The following GTF2I variants were observed in gnomAD, a reference collection of about 807,000 sequenced individuals.
The protein encoded by GTF2I is general transcription factor IIi.
GTF2I carries 12 observed loss-of-function variants against 67.6 expected under a neutral mutation model. The ratio of observed to expected loss-of-function variants is 0.18; its 90% CI spans 0.11 to 0.29. GTF2I has a LOEUF of 0.29. Among genes scored for constraint, GTF2I ranks in the 10% least tolerant of loss-of-function variants. GTF2I has a pLI of 1.00. For missense variants in GTF2I, 271 were observed against 580.1 expected, an observed-to-expected ratio of 0.47 and a Z score of 5.47; for synonymous variants, 149 against 197.0, an observed-to-expected ratio of 0.76 and a Z score of 2.04.
At chr7:74,710,134 T>G (rs1189766455) in intron 8 of GTF2I, among the ~76,000 whole-genome samples, 20 of 152,326 alleles carry the variant, frequency 1.3e-4, no homozygotes, top group African/African-American at 4.6e-4. Context: ...CTCCTTTTTT[T>G]GCTTGTTGCT....
chr7:74,710,576 A>G (rs1302929171), intron 8 of GTF2I, among the ~76,000 whole-genome samples: 1 of 152,180 alleles, frequency 6.6e-6, no homozygotes, highest in African/African-American at 2.4e-5. Context: ...CCCTTACACA[A>G]ATCCCTGTAA....
intron 1 of GTF2I, among the ~76,000 whole-genome samples, chr7:74,684,407 G>C (rs1554394893): frequency 6.6e-6 from 1 of 152,202 alleles, no homozygotes; most frequent in Admixed American, 6.5e-5. Context: ...GTCCTGTGGG[G>C]ACCGGTGCAT....
At chr7:74,726,758 CA>C (rs1413312710) in intron 12 of GTF2I, 2 of 152,026 alleles carry the variant, frequency 1.3e-5, no homozygotes, top group Non-Finnish European at 1.5e-5. Context: ...CATTTGAGGC[CA>C]GGAGCTCGAG....
chr7:74,720,643 A>C (rs1359513670), intron 12 of GTF2I, among the ~76,000 whole-genome samples: 1 of 152,126 alleles, frequency 6.6e-6, no homozygotes, highest in Non-Finnish European at 1.5e-5. Context: ...TTCTATGGAG[A>C]TATTAATAGG....
intron 6 of GTF2I, among the ~76,000 whole-genome samples, chr7:74,702,190 A>C (rs1554400039): frequency 6.6e-6 from 1 of 151,592 alleles, no homozygotes; most frequent in African/African-American, 2.4e-5. Context: ...TTTACGTAGG[A>C]GTGCAATTAC....
rs587702494 is a variant in GTF2I at position 74,714,092 on chromosome 7, A to T, written c.764-765A>T. Among the ~76,000 whole-genome samples the T allele has an allele frequency of 5.3e-5, 8 of 152,218 alleles. No homozygotes were observed. The East Asian group carries it at 1.5e-3, about 29-fold the overall frequency. Reference sequence around the variant, plus strand: ...AGATAGTTAACTGAACTGTGGTCATATTAATGCCAAAATGTGTTTTATATT... The same window carrying T: ...AGATAGTTAACTGAACTGTGGTCATTTTAATGCCAAAATGTGTTTTATATT... On this transcript the variant is annotated intron_variant, in intron 9 of 34. Transcript: ENST00000573035.
At chr7:74,663,130 G>A (rs1554387290) in intron 1 of GTF2I, among the ~76,000 whole-genome samples, 1 of 152,052 alleles carries the variant, frequency 6.6e-6, no homozygotes, top group East Asian at 1.9e-4. Context: ...CATTTCTACT[G>A]TTGTTTCATT....
chr7:74,658,698 A>G (rs1312811354), intron 1 of GTF2I, among the ~76,000 whole-genome samples: 2 of 150,276 alleles, frequency 1.3e-5, no homozygotes, highest in East Asian at 2.0e-4. Flanking sequence ...CCCCGCTCCC[A>G]GGTGGAGTCC....
chr7:74,706,264 G>T (rs1285630016), intron 7 of GTF2I, 126 bp from the exon 8 acceptor site: 1 of 719,556 alleles, frequency 1.4e-6, no homozygotes, highest in Non-Finnish European at 2.5e-6. Context: ...GTTTTAAGCT[G>T]AGTCAGGTTT....
At chr7:74,675,268 T>C (rs1805793792) in intron 1 of GTF2I, among the ~76,000 whole-genome samples, 1 of 152,226 alleles carries the variant, frequency 6.6e-6, no homozygotes, top group East Asian at 1.9e-4. Context: ...GTTTGTCCAG[T>C]GCTTCCTCAT....
chr7:74,669,223 A>AGTTTTT (rs1805240882), intron 1 of GTF2I, among the ~76,000 whole-genome samples: 1 of 92,590 alleles, frequency 1.1e-5, no homozygotes. Context: ...AGACTAGTTT[A>AGTTTTT]GTTTTTTTTT....
intron 6 of GTF2I, among the ~76,000 whole-genome samples, chr7:74,701,796 A>G (rs1454630942): frequency 6.6e-6 from 1 of 152,138 alleles, no homozygotes; most frequent in Admixed American, 6.5e-5. Context: ...ATAATTCACT[A>G]ATAGTAGATT....
At chr7:74,708,054 C>T (rs1790994411) in intron 8 of GTF2I, among the ~76,000 whole-genome samples, 1 of 152,074 alleles carries the variant, frequency 6.6e-6, no homozygotes, top group Non-Finnish European at 1.5e-5. Context: ...AATCCCAGCA[C>T]TTTGGGAGGC....
chr7:74,723,266 T>C (rs369080195), intron 12 of GTF2I, among the ~76,000 whole-genome samples: 4 of 151,072 alleles, frequency 2.6e-5, no homozygotes, highest in East Asian at 3.9e-4. Context: ...GCTGGGATTA[T>C]AGGCGCCCGC....
intron 1 of GTF2I, among the ~76,000 whole-genome samples, chr7:74,674,693 C>T (rs1298889591): frequency 6.6e-6 from 1 of 151,788 alleles, no homozygotes; most frequent in African/African-American, 2.4e-5. Context: ...CATGAGCCAC[C>T]ACGCTCAACT....
At chr7:74,714,792 T>C (rs1792048112) in intron 9 of GTF2I, 65 bp from the exon 10 acceptor site, 7 of 1,100,948 alleles carry the variant, frequency 6.4e-6, no homozygotes, top group Non-Finnish European at 9.3e-6. Flanking sequence ...ATTTGTTGAC[T>C]AAAGTCACCC....
chr7:74,671,654 TG>T (rs1805462190), intron 1 of GTF2I, among the ~76,000 whole-genome samples: 1 of 152,114 alleles, frequency 6.6e-6, no homozygotes, highest in South Asian at 2.1e-4. Flanking sequence ...TTAACAATTT[TG>T]TATCTTAAAA....
intron 12 of GTF2I, among the ~76,000 whole-genome samples, chr7:74,728,491 G>T: frequency 8.2e-6 from 1 of 122,378 alleles, no homozygotes; most frequent in African/African-American, 3.2e-5. Context: ...ATAGTTCTTG[G>T]CAATTTGAAA....
chr7:74,678,761 T>C (rs1786928244), intron 1 of GTF2I, among the ~76,000 whole-genome samples: 2 of 152,146 alleles, frequency 1.3e-5, no homozygotes, highest in South Asian at 4.1e-4. Context: ...ATAATCGGTC[T>C]GTAACCTACT....
Sources: gnomAD v4.1 joint callset for allele counts (sites outside exome capture counted in the v4.1 genomes callset) on GRCh38, gnomAD v4.1.1 for gene constraint, MANE v1.5 for transcripts, NCBI Gene and HGNC (gene_info 2026-07-23, HGNC 2026-07-21) for gene names.